ANKRD66: variants seen among roughly 807,000 people sequenced by gnomAD.
ANKRD66 encodes the protein ankyrin repeat domain-containing protein 66.
In ANKRD66, 10 loss-of-function variants were observed where a neutral mutation model predicts 10.9. The observed-to-expected ratio is 0.91, with a 90% CI of 0.56 to 1.55. The LOEUF is 1.55. Among genes scored for constraint, ANKRD66 ranks in the 40% most tolerant of loss-of-function variants. The pLI, the probability that ANKRD66 is intolerant of heterozygous loss-of-function variation, is 0.00. For missense variants in ANKRD66, 252 were observed against 242.9 expected (o/e 1.04, Z -0.25); for synonymous variants, 85 against 88.4 (o/e 0.96, Z 0.22).
chr6:46,754,966 C>T (rs1018113327), intron 4 of ANKRD66, among the ~76,000 whole-genome samples: 2 of 152,164 alleles, frequency 1.3e-5, no homozygotes, highest in African/African-American at 4.8e-5. Context: ...GTTCTCTGAA[C>T]TTTTTAAAAT....
chr6:46,747,743 A>C (rs1160427616), intron 1 of ANKRD66, among the ~76,000 whole-genome samples: 2 of 152,178 alleles, frequency 1.3e-5, no homozygotes, highest in Admixed American at 6.5e-5. Flanking sequence ...CTTATAAATA[A>C]TGCTTCTAAG....
At chr6:46,752,972 T>C (rs576758627) in intron 3 of ANKRD66, among the ~76,000 whole-genome samples, 3 of 152,326 alleles carry the variant, frequency 2.0e-5, no homozygotes, top group African/African-American at 7.2e-5. Context: ...TTGTGATTCT[T>C]GTGTGGAGAA....
In ANKRD66 at chr6:46,749,905, C is replaced by A; in HGVS notation, c.-87C>A. On this transcript the variant is annotated 5_prime_UTR_variant, in exon 2 of 5. Transcript: ENST00000565422. ...CTTTCTCTCCCTCCAGGGCTGTTCT[C>A]ACATTTCAATGCACTCACCTGGAGG... 6.4e-7 allele frequency: 1 copy of A among 1,550,704 alleles called. No homozygotes were observed. Among genetic ancestry groups the A allele is most frequent in the South Asian group, 1.2e-5 (1 of 83,930 alleles).
chr6:46,758,836 C>T lies in ANKRD66; in HGVS notation c.506C>T (p.Pro169Leu). ...AKKRELELSL[P>L]SLNQNMNKKN... ...AAAAGGGAGCTGGAGCTGTCTCTTC[C>T]TTCCCTAAATCAAAACATGAATAAA... The change falls in exon 5 of 5, where the codon CCT becomes CTT. Residue 169 changes from proline to leucine, a missense_variant. Pro to Leu is a moderately conservative substitution (Grantham distance 98). Coordinates refer to ENST00000565422, the MANE Select transcript of ANKRD66 (RefSeq NM_001162435.3). 1 of 1,551,556 alleles carries T rather than the reference C, an allele frequency of 6.4e-7. No individual in the cohort carries two copies. The highest frequency in any genetic ancestry group is 2.4e-5 in the East Asian group (1 of 40,916).
intron 4 of ANKRD66, among the ~76,000 whole-genome samples, chr6:46,755,474 T>A (rs1766364246): frequency 6.6e-6 from 1 of 152,222 alleles, no homozygotes; most frequent in Non-Finnish European, 1.5e-5. Context: ...ATTTTTCAAG[T>A]CTCACACCTG....
Position 46,753,762 on chromosome 6 carries a change from C to T in ANKRD66, c.204C>T (p.Ala68=). The T allele has an allele frequency of 5.2e-6, 8 of 1,551,470 alleles. No homozygotes were observed. The highest frequency in any genetic ancestry group is 7.0e-6 in the Non-Finnish European group (8 of 1,146,918). Residue 68 remains alanine (A), a synonymous_variant, in exon 4 of 5, where the codon GCC becomes GCT. Coordinates refer to ENST00000565422, the MANE Select transcript of ANKRD66 (RefSeq NM_001162435.3). ...EVIRLLIEYG[A]RPCLVTSVGW... is the part of the protein sequence containing the mutation. ...TACGGCTCCTGATAGAATATGGAGC[C>T]AGGCCCTGCCTGGTTACTAGTGTGG... is the stretch of plus-strand genomic sequence containing the variant.
intron 4 of ANKRD66, chr6:46,757,106 A>G (rs1366083483): frequency 1.3e-5 from 2 of 152,176 alleles, no homozygotes; most frequent in African/African-American, 4.8e-5. Flanking sequence ...GCCAGCAAAA[A>G]CAATAAAGGT....
intron 3 of ANKRD66, among the ~76,000 whole-genome samples, chr6:46,752,897 T>C (rs1766299262): frequency 1.3e-5 from 2 of 152,228 alleles, no homozygotes; most frequent in Admixed American, 1.3e-4. Context: ...CCTTTGGCAA[T>C]AGAAAGCCAT....
chr6:46,756,918 C>T (rs1218722842), intron 4 of ANKRD66: 2 of 152,148 alleles, frequency 1.3e-5, no homozygotes, highest in African/African-American at 4.8e-5. Context: ...TGCTGACATT[C>T]CTTAGGGTCC....
rs564462788 is a variant in ANKRD66 at position 46,754,612 on chromosome 6, G to A, written c.392+662G>A. The stretch of plus-strand genomic sequence containing the variant: ...AGTAGAGTATTGGAGTGAGGGCATC[G>A]TTGCTTGGAAACCAAATGATATAGA... On this transcript the variant is annotated intron_variant, in intron 4 of 4. Transcript: ENST00000565422. 7.9e-5 allele frequency among the ~76,000 whole-genome samples: 12 copies of A among 152,218 alleles called. No individual in the cohort carries two copies. In the South Asian group the frequency reaches 1.9e-3, roughly 24 times the overall value.
chr6:46,752,235 C>T (rs1766286001), intron 3 of ANKRD66, 124 bp downstream of exon 3: 2 of 1,153,948 alleles, frequency 1.7e-6, no homozygotes, highest in Admixed American at 4.1e-5. Flanking sequence ...AACTTCATTT[C>T]ATTTTTTTTC....
intron 4 of ANKRD66, chr6:46,757,609 T>G (rs1766408031): frequency 6.6e-6 from 1 of 152,124 alleles, no homozygotes; most frequent in African/African-American, 2.4e-5. Context: ...ACATTTTGAG[T>G]AAGTTGGCTC....
chr6:46,756,136 G>C (rs1219269422), intron 4 of ANKRD66: 1 of 424,706 alleles, frequency 2.4e-6, no homozygotes, highest in South Asian at 1.7e-5. Flanking sequence ...TTAGTAGTTT[G>C]TATTTGCAAG....
chr6:46,751,108 C>A (rs1293164564), intron 2 of ANKRD66, among the ~76,000 whole-genome samples: 1 of 152,114 alleles, frequency 6.6e-6, no homozygotes, highest in African/African-American at 2.4e-5. Flanking sequence ...TCCTATGTAA[C>A]TGGCTTTTTA....
intron 4 of ANKRD66, chr6:46,756,133 T>A (rs1448599095): frequency 1.2e-5 from 5 of 427,960 alleles, no homozygotes; most frequent in Non-Finnish European, 2.3e-5. Flanking sequence ...TCTTTAGTAG[T>A]TTGTATTTGC....
Position 46,753,787 on chromosome 6 carries a change from G to T in ANKRD66, c.229G>T (p.Gly77Cys). ...GARPCLVTSV[G>C]WTPAHFAAEA... ...CAGGCCCTGCCTGGTTACTAGTGTG[G>T]GCTGGACCCCAGCTCATTTTGCAGC... Residue 77 changes from glycine to cysteine, a missense_variant, in exon 4 of 5, where the codon GGC becomes TGC. Transcript: ENST00000565422. 6.4e-7 allele frequency: 1 copy of T among 1,551,620 alleles called. No homozygotes were observed. Among genetic ancestry groups the T allele is most frequent in the Middle Eastern group, 1.7e-4 (1 of 5,984 alleles).
chr6:46,749,932 C>T lies in ANKRD66; in HGVS notation c.-60C>T, dbSNP rs1398269100. ...CATTTCAATGCACTCACCTGGAGGG[C>T]TTACCACAACAAAGATGGCCGGACC... On this transcript the variant is annotated 5_prime_UTR_variant, in exon 2 of 5. Transcript: ENST00000565422. 6.5e-7 allele frequency: 1 copy of T among 1,548,544 alleles called. No homozygotes were observed. The highest frequency in any genetic ancestry group is 1.2e-5 in the South Asian group (1 of 83,970).
At chr6:46,749,843 G>T in intron 1 of ANKRD66, 53 bp from the exon 2 acceptor site, 1 of 1,520,516 alleles carries the variant, frequency 6.6e-7, no homozygotes, top group Non-Finnish European at 8.8e-7. Context: ...TGTCCTCTGG[G>T]CATTTAGGGC....
At chr6:46,748,880 G>A (rs565675523) in intron 1 of ANKRD66, among the ~76,000 whole-genome samples, 22 of 152,278 alleles carry the variant, frequency 1.4e-4, no homozygotes, top group South Asian at 4.1e-4. Flanking sequence ...AGCTAGTACC[G>A]TTGTGAGAAC....
Sources: allele counts gnomAD v4.1 joint callset (sites outside exome capture counted in the v4.1 genomes callset), GRCh38; gene constraint gnomAD v4.1.1; transcripts MANE v1.5; gene names NCBI Gene and HGNC (gene_info 2026-07-23, HGNC 2026-07-21).